Variants in COL4A4 observed in about 807,000 individuals in gnomAD.
The protein encoded by COL4A4 is collagen alpha-4(IV) chain.
A neutral mutation model predicts 192.9 loss-of-function variants in COL4A4; 105 were observed. The observed-to-expected ratio is 0.54, with a 90% confidence interval of 0.46 to 0.64. COL4A4 has a LOEUF of 0.64. Among genes scored for constraint, COL4A4 ranks in the 30% least tolerant of loss-of-function variants. The pLI, the probability that COL4A4 is intolerant of heterozygous loss-of-function variation, is 0.00. For synonymous variants in COL4A4, 762 were observed against 769.9 expected (o/e 0.99, Z 0.17); for missense variants, 1,967 against 2,169.3 (o/e 0.91, Z 1.85).
intron 22 of COL4A4, among the ~76,000 whole-genome samples, chr2:227,083,336 G>T (rs2059420308): frequency 6.6e-6 from 1 of 152,168 alleles, no homozygotes; most frequent in Admixed American, 6.5e-5. Flanking sequence ...CTTACCTAGT[G>T]ATATCAATAA....
chr2:227,118,508 TC>T, intron 7 of COL4A4, 136 bp downstream of exon 7: 1 of 716,680 alleles, frequency 1.4e-6, no homozygotes, highest in South Asian at 1.6e-5. Context: ...TCTGTCCTTA[TC>T]CCCCAGCCAC....
At chr2:227,023,211 C>T (rs1353141804) in intron 43 of COL4A4, among the ~76,000 whole-genome samples, 1 of 150,816 alleles carries the variant, frequency 6.6e-6, no homozygotes, top group Non-Finnish European at 1.5e-5. Context: ...GAAGCCGAGG[C>T]GGGTGGATCA....
intron 35 of COL4A4, among the ~76,000 whole-genome samples, chr2:227,044,758 A>G (rs1440793105): frequency 1.3e-5 from 2 of 152,198 alleles, no homozygotes; most frequent in African/African-American, 4.8e-5. Context: ...TAATCCCAAG[A>G]CCAGCTGCAG....
intron 7 of COL4A4, among the ~76,000 whole-genome samples, 158 bp downstream of exon 7, chr2:227,118,487 C>T (rs2061605749): frequency 6.6e-6 from 1 of 152,154 alleles, no homozygotes; most frequent in Admixed American, 6.6e-5. Flanking sequence ...GTTCTAAGTC[C>T]TGCCTATCTC....
At chr2:227,153,044 T>C (rs1379724820) in intron 1 of COL4A4, among the ~76,000 whole-genome samples, 1 of 152,192 alleles carries the variant, frequency 6.6e-6, no homozygotes. Flanking sequence ...AGCAAAGTTA[T>C]ATCTTACATG....
At chr2:227,041,750 G>GAAA (rs1970950731) in intron 37 of COL4A4, among the ~76,000 whole-genome samples, 1 of 108,154 alleles carries the variant, frequency 9.2e-6, no homozygotes, top group African/African-American at 3.7e-5. Flanking sequence ...AAGGAAGGAA[G>GAAA]GAAGGAAGGA....
chr2:226,984,336 A>G, the COL4A4 span, among the ~76,000 whole-genome samples: 2 of 152,232 alleles, frequency 1.3e-5, no homozygotes, highest in African/African-American at 2.4e-5. Context: ...TAATATGATC[A>G]GGTTATAGTG....
intron 40 of COL4A4, among the ~76,000 whole-genome samples, chr2:227,031,084 C>A (rs372083155): frequency 1.1e-5 from 1 of 87,694 alleles, no homozygotes; most frequent in Admixed American, 1.1e-4. Flanking sequence ...GACTGATGGA[C>A]AGATAGACAG....
chr2:227,030,916 AGATGGATG>A (rs10689496), intron 40 of COL4A4, among the ~76,000 whole-genome samples: 294 of 145,898 alleles, frequency 2.0e-3, no homozygotes, highest in East Asian at 2.9e-3. Context: ...TGCTTTAATA[AGATGGATG>A]GATGGATGGA....
intron 19 of COL4A4, 152 bp from the exon 20 acceptor site, chr2:227,094,441 C>G: frequency 1.4e-6 from 1 of 705,158 alleles, no homozygotes; most frequent in Non-Finnish European, 2.4e-6. Flanking sequence ...GTGAAATAAG[C>G]CAGACACAGA....
At position 227,104,070 on chromosome 2, in the gene COL4A4, G is replaced by C. The variant is rs369779489; in HGVS notation, c.736-18C>G. The stretch of plus-strand genomic sequence containing the variant: ...ACCTCACCCTTAAAAAAAAAAGCAA[G>C]ATAATGAAAATTTCATATTAATTTA... On this transcript the variant is annotated intron_variant, in intron 12 of 47. Coordinates refer to ENST00000396625, the MANE Select transcript of COL4A4 (RefSeq NM_000092.5). 3 of 1,601,884 alleles carry C rather than the reference G, an allele frequency of 1.9e-6. No homozygotes were observed. The highest frequency in any genetic ancestry group is 2.6e-6 in the Non-Finnish European group (3 of 1,171,440).
chr2:227,079,848 T>C (rs989625166), intron 24 of COL4A4, among the ~76,000 whole-genome samples: 1 of 152,240 alleles, frequency 6.6e-6, no homozygotes, highest in South Asian at 2.1e-4. Flanking sequence ...ATATTTAAGA[T>C]ATTTTAAGTT....
chr2:227,052,270 T>G, intron 32 of COL4A4, 35 bp downstream of exon 32: 1 of 1,243,502 alleles, frequency 8.0e-7, no homozygotes, highest in Non-Finnish European at 1.2e-6. Context: ...AAATGTCAAC[T>G]TATTTGATAT....
At position 227,007,382 on chromosome 2, in the gene COL4A4, T is replaced by C. The variant is rs34761049; in HGVS notation, c.5016A>G (p.Glu1672=). 4.3e-4 allele frequency: 699 copies of C among 1,614,232 alleles called. 5 individuals carry two copies. The African/African-American group carries it at 8.5e-3, about 20-fold the overall frequency. The change falls in exon 48 of 48, where the codon GAA becomes GAG. Residue 1672 remains glutamate (E), a synonymous_variant. Transcript: ENST00000396625. ...TGATTTTCTGGCGTTGGGCCTGGCTTTCTTTTAAGGTGTCTGGTGCTGGAG... is the reference window on the plus strand; with the variant it reads ...TGATTTTCTGGCGTTGGGCCTGGCTCTCTTTTAAGGTGTCTGGTGCTGGAG... ...SSAPAPDTLK[E]SQAQRQKISR...
chr2:227,103,009 TATG>T (rs1170972268), intron 14 of COL4A4, 132 bp downstream of exon 14: 14 of 1,037,002 alleles, frequency 1.4e-5, no homozygotes, highest in African/African-American at 4.9e-5. Context: ...TCTATAGTAT[TATG>T]ATAAGATAGT....
intron 4 of COL4A4, among the ~76,000 whole-genome samples, chr2:227,129,581 G>C (rs540891945): frequency 6.6e-6 from 1 of 152,064 alleles, no homozygotes; most frequent in South Asian, 2.1e-4. Context: ...GCTAATTTTT[G>C]TATTTTTAGC....
chr2:227,104,406 T>C (rs1394770293), intron 12 of COL4A4, among the ~76,000 whole-genome samples: 1 of 40,700 alleles, frequency 2.5e-5, no homozygotes, highest in Non-Finnish European at 4.6e-5. Flanking sequence ...CCGTCTCTAC[T>C]AAAAATACAA....
chr2:227,109,425 T>A (rs1225908344), intron 9 of COL4A4, 139 bp from the exon 10 acceptor site: 1 of 770,258 alleles, frequency 1.3e-6, no homozygotes, highest in Non-Finnish European at 2.3e-6. Context: ...CTAGGACATT[T>A]TCAACAGCAG....
At chr2:227,090,354 T>G (rs563693660) in intron 20 of COL4A4, among the ~76,000 whole-genome samples, 1 of 152,302 alleles carries the variant, frequency 6.6e-6, no homozygotes, top group East Asian at 1.9e-4. Context: ...GCAGAGCTTA[T>G]AGAAATAAAA....
Sources: allele counts gnomAD v4.1 joint callset (sites outside exome capture counted in the v4.1 genomes callset), GRCh38; gene constraint gnomAD v4.1.1; transcripts MANE v1.5; gene names NCBI Gene and HGNC (gene_info 2026-07-23, HGNC 2026-07-21).